NMD3: variants seen among roughly 807,000 people sequenced by gnomAD.
NMD3 encodes the protein 60S ribosomal export protein NMD3.
In NMD3, 47 loss-of-function variants were observed where a neutral mutation model predicts 73.1. That is an observed-to-expected ratio of 0.64 (90% confidence interval 0.51 to 0.82). The LOEUF (loss-of-function observed/expected upper bound fraction) is 0.82, where lower values mean the gene tolerates loss of function less well. Ranked by LOEUF, NMD3 falls within the 40% of genes least tolerant of loss-of-function variation. NMD3 has a pLI of 0.00. For missense variants in NMD3, 554 were observed against 612.5 expected (o/e 0.90, Z 1.01); for synonymous variants, 210 against 194.5 (o/e 1.08, Z -0.66).
chr3:161,244,814 T>C (rs983278446), intron 11 of NMD3, among the ~76,000 whole-genome samples: 4 of 152,064 alleles, frequency 2.6e-5, no homozygotes, highest in Admixed American at 6.6e-5. Context: ...GTAGAGTCAA[T>C]CTCACTGTTT....
chr3:161,223,416 C>G (rs909641459), intron 2 of NMD3, among the ~76,000 whole-genome samples: 4 of 151,490 alleles, frequency 2.6e-5, no homozygotes, highest in Admixed American at 2.0e-4. Context: ...TACTGAGTCT[C>G]TAGATGTTGA....
Position 161,238,943 on chromosome 3 carries a change from T to C in NMD3, c.753+117T>C, listed in dbSNP as rs552772374. 8 of 547,588 alleles carry C rather than the reference T, an allele frequency of 1.5e-5. No homozygotes were observed. The South Asian group carries it at 2.1e-4, about 14-fold the overall frequency. 33.9% of individuals were successfully genotyped at this position (547,588 alleles called of 1,614,324 possible). On this transcript the variant is annotated intron_variant, in intron 9 of 15. Coordinates refer to ENST00000351193, the MANE Select transcript of NMD3 (RefSeq NM_015938.5). ...GGGTTGGTTAAAAATTTAGAATAAG[T>C]TCCTTAAGTGACTTCTAACACATTC...
At chr3:161,245,121 C>G (rs1737149103) in intron 11 of NMD3, among the ~76,000 whole-genome samples, 1 of 148,600 alleles carries the variant, frequency 6.7e-6, no homozygotes, top group Non-Finnish European at 1.5e-5. Flanking sequence ...GAAATAGTAT[C>G]TAGAGACTCC....
intron 1 of NMD3, chr3:161,221,757 C>T: frequency 2.9e-6 from 1 of 342,316 alleles, no homozygotes; most frequent in East Asian, 5.1e-5. Context: ...AGCTGGGTGG[C>T]CCGAGGGTCT....
At chr3:161,235,388 A>C (rs1053832998) in intron 7 of NMD3, 176 bp downstream of exon 7, 1 of 360,346 alleles carries the variant, frequency 2.8e-6, no homozygotes, top group Non-Finnish European at 5.1e-6. Flanking sequence ...TGGTATAGTC[A>C]CTAGCCACAT....
intron 2 of NMD3, among the ~76,000 whole-genome samples, chr3:161,223,618 T>C (rs1435171224): frequency 1.3e-5 from 2 of 152,200 alleles, no homozygotes. Context: ...TAGAGATAAG[T>C]AGACAGCTGT....
At chr3:161,224,846 G>A in intron 2 of NMD3, 84 bp from the exon 3 acceptor site, 2 of 1,343,546 alleles carry the variant, frequency 1.5e-6, no homozygotes, top group Non-Finnish European at 2.0e-6. Context: ...CTAACTTGAA[G>A]GCTTTTGTTT....
Position 161,249,462 on chromosome 3 carries a change from CAAG to C in NMD3, c.1217_1219del (p.Lys406del), listed in dbSNP as rs1318550943. 1 of 1,597,436 alleles carries C rather than the reference CAAG, an allele frequency of 6.3e-7. No homozygotes were observed. Among genetic ancestry groups the C allele is most frequent in the African/African-American group, 1.4e-5 (1 of 73,742 alleles). ...AAATATTTATCTTGCAGGTATTAATCAAGAAGAGCTATGACCGGACCAAACGTC... is the reference window on the plus strand; with the variant it reads ...AAATATTTATCTTGCAGGTATTAATCAAGAGCTATGACCGGACCAAACGTC... On this transcript the variant is annotated inframe_deletion, in exon 14 of 16. Coordinates refer to ENST00000351193, the MANE Select transcript of NMD3 (RefSeq NM_015938.5).
At chr3:161,240,164 T>C (rs992953569) in intron 9 of NMD3, among the ~76,000 whole-genome samples, 8 of 152,240 alleles carry the variant, frequency 5.3e-5, no homozygotes, top group African/African-American at 1.9e-4. Flanking sequence ...GCTGTTATGA[T>C]TGTGAATAGA....
intron 11 of NMD3, among the ~76,000 whole-genome samples, chr3:161,244,953 C>T (rs935062665): frequency 1.3e-5 from 2 of 151,960 alleles, no homozygotes; most frequent in Admixed American, 6.6e-5. Context: ...CAGAATGGTT[C>T]CTATGTTGTT....
At chr3:161,221,925 G>A (rs1736098517) in intron 1 of NMD3, 69 bp from the exon 2 acceptor site, 1 of 944,200 alleles carries the variant, frequency 1.1e-6, no homozygotes, top group Non-Finnish European at 1.6e-6. Flanking sequence ...AAAAAGAGGA[G>A]ACTAGGTAAA....
At chr3:161,233,678 A>G (rs1576847843) in intron 5 of NMD3, among the ~76,000 whole-genome samples, 199 bp downstream of exon 5, 1 of 152,212 alleles carries the variant, frequency 6.6e-6, no homozygotes, top group African/African-American at 2.4e-5. Context: ...TAGCAGACTT[A>G]CTTTTCCAGA....
At chr3:161,252,597 A>G (rs756260202), downstream of NMD3, among the ~76,000 whole-genome samples, 12 of 152,184 alleles carry the variant, frequency 7.9e-5, no homozygotes, top group Non-Finnish European at 1.3e-4. Flanking sequence ...CTACCATACT[A>G]TATAGTAAGG....
chr3:161,250,115 CTG>C, intron 14 of NMD3, 139 bp from the exon 15 acceptor site: 1 of 559,678 alleles, frequency 1.8e-6, no homozygotes. Flanking sequence ...TCTAAAAAAA[CTG>C]AGAGTTTATA....
chr3:161,222,645 A>T (rs559004411), intron 2 of NMD3, among the ~76,000 whole-genome samples: 1 of 151,776 alleles, frequency 6.6e-6, no homozygotes, highest in East Asian at 1.9e-4. Context: ...CAAAGAGATT[A>T]CTACAGAGAC....
intron 6 of NMD3, 71 bp from the exon 7 acceptor site, chr3:161,235,051 A>G: frequency 1.2e-6 from 1 of 858,960 alleles, no homozygotes; most frequent in East Asian, 2.5e-5. Context: ...ATCTGTAGAT[A>G]GTATGTGTGT....
At chr3:161,235,742 A>G (rs1374747678) in intron 7 of NMD3, among the ~76,000 whole-genome samples, 1 of 152,000 alleles carries the variant, frequency 6.6e-6, no homozygotes, top group Non-Finnish European at 1.5e-5. Context: ...CAGGTATTCT[A>G]CCCCTTGAGT....
rs376329329 is a variant in NMD3 at position 161,221,958 on chromosome 3, C to CTTTT, written c.-20-9_-20-6dup. 2.0e-3 allele frequency: 1,734 copies of CTTTT among 867,602 alleles called. 61 individuals are homozygous for CTTTT. The African/African-American group carries it at 0.023, about 11-fold the overall frequency. 53.7% of individuals were successfully genotyped at this position (867,602 alleles called of 1,614,324 possible). A position where few individuals can be genotyped will look rare whatever the true frequency, so the allele number is the denominator to read the frequency against. ...AAAGTGATTTAAATCCCAACATTCT[C>CTTTT]TTTTTTTTTTTTTTTTTTTTTTTTT... On this transcript the variant is annotated intron_variant, in intron 1 of 15. Coordinates refer to ENST00000351193, the MANE Select transcript of NMD3 (RefSeq NM_015938.5).
At position 161,249,104 on chromosome 3, in the gene NMD3, GTATC is replaced by G. The variant is rs746864175; in HGVS notation, c.1204-347_1204-344del. The stretch of plus-strand genomic sequence containing the variant: ...TATTGGTGGGTATAAGAGAAAAAAA[GTATC>G]TACTTGTGATATTCAGAATGATTTA... On this transcript the variant is annotated intron_variant, in intron 13 of 15. Transcript: ENST00000351193. Among the ~76,000 whole-genome samples, 3 of 152,180 alleles carry G rather than the reference GTATC, an allele frequency of 2.0e-5. No individual in the cohort carries two copies. The South Asian group carries it at 6.2e-4, about 32-fold the overall frequency.
Sources: gnomAD v4.1 joint callset for allele counts (sites outside exome capture counted in the v4.1 genomes callset) on GRCh38, gnomAD v4.1.1 for gene constraint, MANE v1.5 for transcripts, NCBI Gene and HGNC (gene_info 2026-07-23, HGNC 2026-07-21) for gene names.